TTC28: variants seen among roughly 807,000 people sequenced by gnomAD.
TTC28 encodes tetratricopeptide repeat protein 28.
TTC28 carries 61 observed loss-of-function variants against 198.0 expected under a neutral mutation model. That is an observed-to-expected ratio of 0.31 (90% confidence interval 0.25 to 0.38). The LOEUF is 0.38. Ranked by LOEUF, TTC28 falls within the 10% of genes least tolerant of loss-of-function variation. TTC28 has a pLI of 1.00. For missense variants in TTC28, 2,678 were observed against 3,164.0 expected (o/e 0.85, Z 3.69); for synonymous variants, 1,171 against 1,297.8 (o/e 0.90, Z 2.10).
At chr22:28,383,198 C>T (rs184240289) in intron 2 of TTC28, among the ~76,000 whole-genome samples, 573 of 152,284 alleles carry the variant, frequency 3.8e-3, no homozygotes, top group Admixed American at 7.9e-3. Flanking sequence ...TAATTCTTAA[C>T]CTGATCTTTC....
At chr22:28,060,755 G>A (rs557698250) in intron 12 of TTC28, among the ~76,000 whole-genome samples, 76 of 150,700 alleles carry the variant, frequency 5.0e-4, no homozygotes, top group African/African-American at 1.5e-3. Context: ...TCTCCAGCAC[G>A]TTGTTTATAG....
intron 2 of TTC28, among the ~76,000 whole-genome samples, chr22:28,620,308 C>T (rs1311567771): frequency 2.0e-5 from 3 of 151,194 alleles, no homozygotes; most frequent in South Asian, 2.1e-4. Context: ...TGAGTCTCTG[C>T]CACCACACGC....
intron 2 of TTC28, among the ~76,000 whole-genome samples, chr22:28,507,425 A>G (rs1040202726): frequency 4.6e-5 from 7 of 152,230 alleles, no homozygotes; most frequent in Non-Finnish European, 1.0e-4. Context: ...GACTGAACCT[A>G]TGACTGACTG....
rs115140492 is a variant in TTC28, at chr22:28,363,179, G to A, written c.382-56536C>T. ...GGAGGAAGAAATGGTTTCATGGGCC[G>A]GACCCAGGGTCCCTCTGCTGTGTAT... is the stretch of plus-strand genomic sequence containing the variant. On this transcript the variant is annotated intron_variant, in intron 2 of 22. Transcript: ENST00000397906. Among the ~76,000 whole-genome samples, 1,374 of 152,196 alleles carry A rather than the reference G, an allele frequency of 9.0e-3. 15 individuals are homozygous for A. Among genetic ancestry groups the A allele is most frequent in the African/African-American group, 0.03 (1,236 of 41,534 alleles).
chr22:28,243,118 G>C (rs529832250), intron 5 of TTC28, among the ~76,000 whole-genome samples: 408 of 134,124 alleles, frequency 3.0e-3, no homozygotes, highest in Admixed American at 4.4e-3. Flanking sequence ...CAAGTGGATT[G>C]CTTGAGCCCA....
At chr22:28,581,892 T>G (rs569394266) in intron 2 of TTC28, among the ~76,000 whole-genome samples, 46 of 152,306 alleles carry the variant, frequency 3.0e-4, no homozygotes, top group African/African-American at 1.1e-3. Flanking sequence ...ATATCAAATA[T>G]CTAATACAAG....
chr22:28,645,595 C>G (rs2051449146), intron 1 of TTC28, among the ~76,000 whole-genome samples: 1 of 150,492 alleles, frequency 6.6e-6, no homozygotes, highest in African/African-American at 2.5e-5. Flanking sequence ...CCACTGCACT[C>G]CAGTCTGGGC....
intron 5 of TTC28, among the ~76,000 whole-genome samples, chr22:28,213,817 G>A (rs1285815884): frequency 6.6e-6 from 1 of 152,042 alleles, no homozygotes; most frequent in East Asian, 1.9e-4. Flanking sequence ...AGCCCGCATT[G>A]CCAAGTCAAT....
Position 28,539,832 on chromosome 22 carries a change from C to T in TTC28, c.381+89720G>A, listed in dbSNP as rs1302295762. Reference sequence around the variant, plus strand: ...TCTTGTGTTGTTATAAAGAAACACCCGAGACTAGGTAATTTATAATAAAAG... The same window carrying T: ...TCTTGTGTTGTTATAAAGAAACACCTGAGACTAGGTAATTTATAATAAAAG... On this transcript the variant is annotated intron_variant, in intron 2 of 22. Transcript: ENST00000397906. 4.0e-5 allele frequency among the ~76,000 whole-genome samples: 6 copies of T among 151,650 alleles called. No individual in the cohort carries two copies. In the East Asian group the frequency reaches 9.7e-4, roughly 24 times the overall value.
At chr22:28,577,460 TCTGTAAATAC>T (rs2050168595) in intron 2 of TTC28, among the ~76,000 whole-genome samples, 2 of 152,236 alleles carry the variant, frequency 1.3e-5, no homozygotes, top group South Asian at 4.1e-4. Context: ...GGTGAAATGT[TCTGTAAATAC>T]CTATTAGGTC....
chr22:28,536,198 CAAAAAAAAAAAAA>C, intron 2 of TTC28, among the ~76,000 whole-genome samples: 1 of 64,408 alleles, frequency 1.6e-5, no homozygotes, highest in Middle Eastern at 0.014. Context: ...GACACCGTCT[CAAAAAAAAAAAAA>C]AAAAAAAAAC....
At chr22:28,618,920 A>T (rs2050946550) in intron 2 of TTC28, among the ~76,000 whole-genome samples, 2 of 152,114 alleles carry the variant, frequency 1.3e-5, no homozygotes, top group South Asian at 4.1e-4. Flanking sequence ...TATTAATAGG[A>T]TCTGATAAAC....
At chr22:28,569,707 A>G (rs2050031834) in intron 2 of TTC28, among the ~76,000 whole-genome samples, 1 of 152,228 alleles carries the variant, frequency 6.6e-6, no homozygotes, top group African/African-American at 2.4e-5. Flanking sequence ...AAAATTGGCA[A>G]GTGGGACCTA....
At chr22:28,001,305 G>A (rs1205572714) in intron 15 of TTC28, 69 bp downstream of exon 15, 15 of 1,499,124 alleles carry the variant, frequency 1.0e-5, no homozygotes, top group Non-Finnish European at 1.1e-5. Flanking sequence ...AGCCCAGTCC[G>A]ACCAGATAGA....
intron 5 of TTC28, among the ~76,000 whole-genome samples, chr22:28,205,353 T>C (rs1337120001): frequency 6.6e-6 from 1 of 152,158 alleles, no homozygotes; most frequent in Middle Eastern, 3.4e-3. Flanking sequence ...AGAGCCTCTG[T>C]TAAAGGTGGT....
intron 5 of TTC28, among the ~76,000 whole-genome samples, chr22:28,237,164 CTT>C (rs953147175): frequency 6.6e-6 from 1 of 152,094 alleles, no homozygotes; most frequent in Admixed American, 6.5e-5. Flanking sequence ...CTCTCTCTCT[CTT>C]GCTCTCTCCC....
chr22:28,110,158 C>A (rs931079508), intron 6 of TTC28, among the ~76,000 whole-genome samples: 7 of 152,176 alleles, frequency 4.6e-5, no homozygotes, highest in African/African-American at 1.7e-4. Context: ...GGAGCTGGGG[C>A]TGCAGTGCAG....
At chr22:28,432,998 T>C (rs1234059714) in intron 2 of TTC28, among the ~76,000 whole-genome samples, 1 of 152,186 alleles carries the variant, frequency 6.6e-6, no homozygotes, top group East Asian at 1.9e-4. Context: ...ACAGTCACTA[T>C]GGTCTTGATG....
At chr22:28,216,086 A>C (rs762898360) in intron 5 of TTC28, among the ~76,000 whole-genome samples, 2 of 152,160 alleles carry the variant, frequency 1.3e-5, no homozygotes, top group Non-Finnish European at 2.9e-5. Context: ...CTGAGAGGAG[A>C]TGCACTTTGG....
Sources: gnomAD v4.1 joint callset for allele counts (sites outside exome capture counted in the v4.1 genomes callset) on GRCh38, gnomAD v4.1.1 for gene constraint, MANE v1.5 for transcripts, NCBI Gene and HGNC (gene_info 2026-07-23, HGNC 2026-07-21) for gene names.